ANO4: variants seen among roughly 807,000 people sequenced by gnomAD.
ANO4 encodes the protein anoctamin-4.
A neutral mutation model predicts 141.9 loss-of-function variants in ANO4; 69 were observed. That is an observed-to-expected ratio of 0.49 (90% CI 0.40 to 0.59). The LOEUF is 0.59. Among genes scored for constraint, ANO4 ranks in the 20% least tolerant of loss-of-function variants. ANO4 has a pLI of 0.00. For missense variants in ANO4, 894 were observed against 1,162.2 expected, an observed-to-expected ratio of 0.77 and a Z score of 3.36; for synonymous variants, 350 against 394.3, an observed-to-expected ratio of 0.89 and a Z score of 1.33.
chr12:100,786,759 G>C (rs2033886756), intron 3 of ANO4, among the ~76,000 whole-genome samples: 1 of 152,166 alleles, frequency 6.6e-6, no homozygotes, highest in Non-Finnish European at 1.5e-5. Context: ...ATAAATTAAT[G>C]CCTGTGGTGT....
chr12:100,738,524 T>A (rs1444537130), intron 2 of ANO4, among the ~76,000 whole-genome samples: 2 of 152,176 alleles, frequency 1.3e-5, no homozygotes, highest in Non-Finnish European at 2.9e-5. Context: ...TTTTTCAAAA[T>A]TAAATATATG....
rs200837883 is a variant in ANO4, at chr12:100,997,048, C to CT, written c.734+9382dup. 6.1e-3 allele frequency among the ~76,000 whole-genome samples: 927 copies of CT among 152,112 alleles called. 5 individuals carry two copies. The highest frequency in any genetic ancestry group is 0.01 in the Non-Finnish European group (695 of 67,994). Reference sequence around the variant, plus strand: ...TAGATGAGTGAACAGAAAGAAGTGTCTTTTCAGCTGGGTGTGGTGGCTCAC... The same window carrying CT: ...TAGATGAGTGAACAGAAAGAAGTGTCTTTTTCAGCTGGGTGTGGTGGCTCAC... On this transcript the variant is annotated intron_variant, in intron 8 of 27. Transcript: ENST00000392977.
intron 14 of ANO4, among the ~76,000 whole-genome samples, chr12:101,068,056 G>T (rs1351786688): frequency 6.6e-6 from 1 of 152,220 alleles, no homozygotes; most frequent in Non-Finnish European, 1.5e-5. Flanking sequence ...ACGATTGTCT[G>T]TAATGGATAA....
chr12:100,814,172 T>C (rs956467588), intron 1 of ANO4, among the ~76,000 whole-genome samples: 1 of 152,198 alleles, frequency 6.6e-6, no homozygotes, highest in Non-Finnish European at 1.5e-5. Context: ...CTCTGTAGTT[T>C]CCAGGAATTT....
chr12:101,094,240 G>A lies in ANO4; in HGVS notation c.1702-16G>A, dbSNP rs1409436689. The A allele has an allele frequency of 1.2e-6, 2 of 1,604,906 alleles. No individual in the cohort carries two copies. The highest frequency in any genetic ancestry group is 1.7e-5 in the Admixed American group (1 of 59,742). On this transcript the variant is annotated splice_polypyrimidine_tract_variant and intron_variant, in intron 17 of 27. Transcript: ENST00000392977. ...CGTGCAGTTCATTTATTAAATGCATGAAATTTATTTTACAGCTCTATGAAA... is the reference window on the plus strand; with the variant it reads ...CGTGCAGTTCATTTATTAAATGCATAAAATTTATTTTACAGCTCTATGAAA...
At chr12:100,729,074 GT>G (rs1375329597) in intron 1 of ANO4, among the ~76,000 whole-genome samples, 2 of 151,934 alleles carry the variant, frequency 1.3e-5, no homozygotes, top group Non-Finnish European at 2.9e-5. Context: ...CCATTATGCA[GT>G]AATAAACAAT....
At chr12:101,106,452 T>C (rs2050444274) in intron 22 of ANO4, among the ~76,000 whole-genome samples, 1 of 151,854 alleles carries the variant, frequency 6.6e-6, no homozygotes, top group Non-Finnish European at 1.5e-5. Flanking sequence ...TCATGTGATA[T>C]GAACAGGGCA....
intron 3 of ANO4, among the ~76,000 whole-genome samples, chr12:100,774,172 T>A (rs1246500829): frequency 7.2e-6 from 1 of 138,460 alleles, no homozygotes; most frequent in Non-Finnish European, 1.7e-5. Flanking sequence ...CTGTGCATCC[T>A]ATGTGGTTTT....
intron 1 of ANO4, among the ~76,000 whole-genome samples, chr12:100,822,412 A>G (rs1456135554): frequency 6.6e-6 from 1 of 152,028 alleles, no homozygotes; most frequent in Non-Finnish European, 1.5e-5. Flanking sequence ...GACAGAGACC[A>G]TTTGTTTTAA....
At chr12:100,841,415 C>T (rs1200891368) in intron 1 of ANO4, among the ~76,000 whole-genome samples, 1 of 152,110 alleles carries the variant, frequency 6.6e-6, no homozygotes, top group East Asian at 1.9e-4. Flanking sequence ...GTCTATATCC[C>T]ACAGAGCTCG....
intron 3 of ANO4, among the ~76,000 whole-genome samples, chr12:100,770,698 G>A (rs2033262015): frequency 6.6e-6 from 1 of 151,872 alleles, no homozygotes; most frequent in Non-Finnish European, 1.5e-5. Context: ...CCTGTTTCTG[G>A]TAGAATTGAT....
intron 1 of ANO4, chr12:100,885,380 C>A (rs1280745107): frequency 6.6e-6 from 1 of 152,232 alleles, no homozygotes; most frequent in African/African-American, 2.4e-5. Flanking sequence ...TGTCCTGACA[C>A]CCATTTTTGT....
At chr12:100,719,951 A>G (rs1247726129) in intron 1 of ANO4, among the ~76,000 whole-genome samples, 1 of 152,222 alleles carries the variant, frequency 6.6e-6, no homozygotes, top group African/African-American at 2.4e-5. Flanking sequence ...CGGTAAAAAT[A>G]TGTTCAATGA....
chr12:101,021,989 A>G (rs2046550586), intron 9 of ANO4, among the ~76,000 whole-genome samples: 1 of 148,236 alleles, frequency 6.7e-6, no homozygotes, highest in African/African-American at 2.5e-5. Context: ...AACAGATTTG[A>G]GAGTTGAGCT....
chr12:100,925,810 C>CATATACATACATACATACATAT (rs2041843637), intron 3 of ANO4, among the ~76,000 whole-genome samples: 2 of 69,164 alleles, frequency 2.9e-5, no homozygotes, highest in Non-Finnish European at 6.1e-5. Context: ...TGTATACATA[C>CATATACATACATACATACATAT]ATATACATAC....
Position 100,999,990 on chromosome 12 carries a change from A to G in ANO4, c.734+12320A>G, listed in dbSNP as rs1461208730. Among the ~76,000 whole-genome samples the G allele has an allele frequency of 3.3e-5, 5 of 150,976 alleles. 1 individual carries two copies. Among genetic ancestry groups the G allele is most frequent in the Admixed American group, 1.3e-4 (2 of 15,090 alleles). ...CTTGGACCAGGGAGGCAGAAGTTGCAGTGAGCCGAGATCATGCCACTGCAC... is the reference window on the plus strand; with the variant it reads ...CTTGGACCAGGGAGGCAGAAGTTGCGGTGAGCCGAGATCATGCCACTGCAC... On this transcript the variant is annotated intron_variant, in intron 8 of 27. Coordinates refer to ENST00000392977, the MANE Select transcript of ANO4 (RefSeq NM_001286615.2).
chr12:100,957,387 C>A (rs145917974), intron 5 of ANO4, among the ~76,000 whole-genome samples: 1 of 152,290 alleles, frequency 6.6e-6, no homozygotes, highest in African/African-American at 2.4e-5. Flanking sequence ...AAAGGCAGCA[C>A]CCTCATGATC....
At chr12:100,857,552 C>G (rs948774682) in intron 1 of ANO4, among the ~76,000 whole-genome samples, 2 of 152,086 alleles carry the variant, frequency 1.3e-5, no homozygotes, top group Non-Finnish European at 2.9e-5. Context: ...AACTCCAAAG[C>G]CCTCATTTAT....
intron 5 of ANO4, among the ~76,000 whole-genome samples, chr12:100,957,625 C>G (rs551735100): frequency 6.6e-6 from 1 of 152,306 alleles, no homozygotes; most frequent in East Asian, 1.9e-4. Context: ...AGAGTCTGCT[C>G]TGTTGCCCAG....
Sources: gnomAD v4.1 joint callset for allele counts (sites outside exome capture counted in the v4.1 genomes callset) on GRCh38, gnomAD v4.1.1 for gene constraint, MANE v1.5 for transcripts, NCBI Gene and HGNC (gene_info 2026-07-23, HGNC 2026-07-21) for gene names.